The following NEDD4L variants were observed in gnomAD, a reference collection of about 807,000 sequenced individuals.
NEDD4L encodes E3 ubiquitin-protein ligase NEDD4-like.
NEDD4L carries 54 observed loss-of-function variants against 148.9 expected under a neutral mutation model. That is an observed-to-expected ratio of 0.36 (90% CI 0.29 to 0.45). The LOEUF (loss-of-function observed/expected upper bound fraction) is 0.45. Among genes scored for constraint, NEDD4L ranks in the 20% least tolerant of loss-of-function variants. The pLI is 1.00. For missense variants in NEDD4L, 856 were observed against 1,233.8 expected, an observed-to-expected ratio of 0.69 and a Z score of 4.59; for synonymous variants, 433 against 440.7, an observed-to-expected ratio of 0.98 and a Z score of 0.22.
chr18:58,088,764 T>A (rs560748106), intron 1 of NEDD4L, among the ~76,000 whole-genome samples: 1 of 152,306 alleles, frequency 6.6e-6, no homozygotes, highest in South Asian at 2.1e-4. Flanking sequence ...TTGCCCTGGC[T>A]ATGAGGAAGC....
At position 58,386,040 on chromosome 18, in the gene NEDD4L, A is replaced by C. The variant is rs544851924; in HGVS notation, c.2487+454A>C. Among the ~76,000 whole-genome samples the C allele has an allele frequency of 6.1e-4, 79 of 130,324 alleles. 1 individual carries two copies. Among genetic ancestry groups the C allele is most frequent in the Non-Finnish European group, 1.2e-3 (71 of 61,092 alleles). The allele number at this position is 130,324 out of a possible 152,430, so 85.5% of individuals were successfully genotyped here. A position where few individuals can be genotyped will look rare whatever the true frequency, so the allele number is the denominator to read the frequency against. ...CCTGGATCACTGCTGCCTGGGCTTG[A>C]TTGATTGATTGATTGATTGATTGAT... On this transcript the variant is annotated intron_variant, in intron 26 of 30. Coordinates refer to ENST00000400345, the MANE Select transcript of NEDD4L (RefSeq NM_001144967.3).
chr18:58,183,987 G>T (rs1212533166), intron 2 of NEDD4L, among the ~76,000 whole-genome samples: 4 of 152,168 alleles, frequency 2.6e-5, no homozygotes. Context: ...GGCTAACATG[G>T]TGAAACCCCG....
intron 2 of NEDD4L, among the ~76,000 whole-genome samples, chr18:58,229,503 T>G (rs1342485797): frequency 6.6e-6 from 1 of 152,256 alleles, no homozygotes; most frequent in Non-Finnish European, 1.5e-5. Context: ...TAATGCTCGC[T>G]GTATCCCCAA....
At chr18:58,276,720 ATGCTTAC>A (rs2052119141) in intron 5 of NEDD4L, among the ~76,000 whole-genome samples, 1 of 150,656 alleles carries the variant, frequency 6.6e-6, no homozygotes, top group African/African-American at 2.4e-5. Flanking sequence ...TATTAATAAA[ATGCTTAC>A]TAGGCGAAGT....
At chr18:58,170,114 C>T (rs1406549348) in intron 2 of NEDD4L, among the ~76,000 whole-genome samples, 2 of 152,196 alleles carry the variant, frequency 1.3e-5, no homozygotes, top group East Asian at 1.9e-4. Context: ...CTCCTTCCCT[C>T]CCTTTCCCAC....
At chr18:58,059,563 A>T (rs114945575) in intron 1 of NEDD4L, among the ~76,000 whole-genome samples, 2,910 of 152,174 alleles carry the variant, frequency 0.019, 109 homozygotes, top group African/African-American at 0.067. Context: ...AGACCTAGAA[A>T]ACTGAGATGT....
At position 58,325,148 on chromosome 18, in the gene NEDD4L, C is replaced by A; in HGVS notation, c.666C>A (p.His222Gln). 1 of 1,613,940 alleles carries A rather than the reference C, an allele frequency of 6.2e-7. No individual in the cohort carries two copies. Among genetic ancestry groups the A allele is most frequent in the Non-Finnish European group, 8.5e-7 (1 of 1,179,878 alleles). The change falls in exon 9 of 31, where the codon CAC becomes CAA. Residue 222 changes from histidine (H) to glutamine (Q), a missense_variant. Coordinates refer to ENST00000400345, the MANE Select transcript of NEDD4L (RefSeq NM_001144967.3). Reference sequence around the variant, plus strand: ...ACAACAACCGGACCACTCAGTGGCACAGACCAAGCCTGATGTGAGTACCGT... The same window carrying A: ...ACAACAACCGGACCACTCAGTGGCAAAGACCAAGCCTGATGTGAGTACCGT... ...VNHNNRTTQW[H>Q]RPSLMDVSSE...
chr18:58,266,633 G>C (rs887391334), intron 5 of NEDD4L, among the ~76,000 whole-genome samples: 3 of 152,112 alleles, frequency 2.0e-5, no homozygotes. Context: ...GAAATGTCCA[G>C]CTCCCAGGTT....
rs1665462906 is a variant in NEDD4L, at chr18:58,315,993, C to T, written c.309C>T (p.Asp103=). 1 of 1,613,556 alleles carries T rather than the reference C, an allele frequency of 6.2e-7. No individual in the cohort carries two copies. Among genetic ancestry groups the T allele is most frequent in the Non-Finnish European group, 8.5e-7 (1 of 1,179,552 alleles). Residue 103 remains aspartate, a synonymous_variant, in exon 6 of 31, where the codon GAC becomes GAT. Transcript: ENST00000400345. ...TCTCTTCCTAACAGACACGAGACGA[C>T]TTCCTGGGCCAGGTGGACGTGCCCC... ...VFDENRLTRD[D]FLGQVDVPLS...
intron 2 of NEDD4L, among the ~76,000 whole-genome samples, chr18:58,191,720 T>C (rs1276242905): frequency 2.0e-5 from 3 of 152,152 alleles, no homozygotes; most frequent in Non-Finnish European, 2.9e-5. Flanking sequence ...ATAACAGGCA[T>C]ATAATTGGTG....
chr18:58,128,207 C>T (rs922158091), intron 1 of NEDD4L, among the ~76,000 whole-genome samples: 25 of 152,116 alleles, frequency 1.6e-4, no homozygotes, highest in African/African-American at 4.3e-4. Context: ...CCACTGCACC[C>T]GGCTCATTTT....
chr18:58,066,880 A>G (rs2082627756), intron 1 of NEDD4L, among the ~76,000 whole-genome samples: 1 of 152,114 alleles, frequency 6.6e-6, no homozygotes, highest in Non-Finnish European at 1.5e-5. Flanking sequence ...CTGAGGGGCA[A>G]AATCCACTCC....
chr18:58,133,441 A>G (rs746099012), intron 1 of NEDD4L, among the ~76,000 whole-genome samples: 14 of 152,178 alleles, frequency 9.2e-5, no homozygotes, highest in Non-Finnish European at 1.5e-4. Flanking sequence ...AAACTTGTGC[A>G]TAGTTATTAT....
At chr18:58,333,999 T>C in intron 12 of NEDD4L, 107 bp downstream of exon 12, 2 of 648,336 alleles carry the variant, frequency 3.1e-6, no homozygotes, top group Non-Finnish European at 5.0e-6. Flanking sequence ...ATTTACAATA[T>C]AAATGAGATG....
chr18:58,352,901 A>T lies in NEDD4L; in HGVS notation c.1708+1856A>T, dbSNP rs911793868. ...TTTCGTATACCGCAAGGAGCCAAAA[A>T]CAGAAAAACACAATTACAAAGGGCT... is the stretch of plus-strand genomic sequence containing the variant. On this transcript the variant is annotated intron_variant, in intron 18 of 30. Coordinates refer to ENST00000400345, the MANE Select transcript of NEDD4L (RefSeq NM_001144967.3). Among the ~76,000 whole-genome samples the T allele has an allele frequency of 3.9e-5, 6 of 152,216 alleles. No individual in the cohort carries two copies. The South Asian group carries it at 8.3e-4, about 21-fold the overall frequency.
intron 5 of NEDD4L, among the ~76,000 whole-genome samples, chr18:58,312,307 A>G (rs1157299681): frequency 6.6e-6 from 1 of 152,240 alleles, no homozygotes; most frequent in Admixed American, 6.5e-5. Flanking sequence ...AATAACCACA[A>G]GAAATACCAA....
chr18:58,091,817 C>T (rs2084088569), intron 1 of NEDD4L, among the ~76,000 whole-genome samples: 1 of 152,178 alleles, frequency 6.6e-6, no homozygotes. Flanking sequence ...AATGTAAATG[C>T]ACATGTAATA....
At chr18:58,167,120 G>A (rs1156924315) in intron 2 of NEDD4L, among the ~76,000 whole-genome samples, 1 of 152,190 alleles carries the variant, frequency 6.6e-6, no homozygotes, top group African/African-American at 2.4e-5. Context: ...AGTGACTAAT[G>A]GAGGCTTAGG....
At position 58,102,275 on chromosome 18, in the gene NEDD4L, G is replaced by A. The variant is rs57994465; in HGVS notation, c.48+57567G>A. Among the ~76,000 whole-genome samples the A allele has an allele frequency of 6.0e-3, 918 of 152,260 alleles. 7 individuals are homozygous for A. Among genetic ancestry groups the A allele is most frequent in the African/African-American group, 0.021 (865 of 41,540 alleles). On this transcript the variant is annotated intron_variant, in intron 1 of 30. Coordinates refer to ENST00000400345, the MANE Select transcript of NEDD4L (RefSeq NM_001144967.3). ...CTGCTTGGTGAGCTGTGGCTCACAT[G>A]TCTCCAGAGACACAGGGCCTAGGAA... is the stretch of plus-strand genomic sequence containing the variant.
Sources: allele counts gnomAD v4.1 joint callset (sites outside exome capture counted in the v4.1 genomes callset), GRCh38; gene constraint gnomAD v4.1.1; transcripts MANE v1.5; gene names NCBI Gene and HGNC (gene_info 2026-07-23, HGNC 2026-07-21).